The following AKR1B1 variants were observed in gnomAD, a reference collection of about 807,000 sequenced individuals.
The protein encoded by AKR1B1 is aldo-keto reductase family 1 member B1.
AKR1B1 carries 22 observed loss-of-function variants against 40.4 expected under a neutral mutation model. The observed-to-expected ratio is 0.54, with a 90% confidence interval of 0.39 to 0.78. AKR1B1 has a LOEUF of 0.78. Ranked by LOEUF, AKR1B1 falls within the 30% of genes least tolerant of loss-of-function variation. The pLI, the probability that AKR1B1 is intolerant of heterozygous loss-of-function variation, is 0.00. For synonymous variants in AKR1B1, 157 were observed against 149.9 expected (o/e 1.05, Z -0.35); for missense variants, 357 against 396.7 (o/e 0.90, Z 0.85).
Position 134,449,260 on chromosome 7 carries a change from G to A in AKR1B1, c.430-141C>T, listed in dbSNP as rs1224392355. ...GACCTTTCAGAAGCTAAGAGACAGT[G>A]AGACGAAAGCCAGGCTGGCTTTAAT... On this transcript the variant is annotated intron_variant, in intron 4 of 9. Transcript: ENST00000285930. 3.2e-6 allele frequency: 4 copies of A among 1,256,506 alleles called. No individual in the cohort carries two copies. The African/African-American group carries it at 4.4e-5, about 14-fold the overall frequency. 77.8% of individuals were successfully genotyped at this position (1,256,506 alleles called of 1,614,324 possible).
intron 9 of AKR1B1, chr7:134,444,657 GAA>G (rs1806043352): frequency 6.2e-6 from 1 of 161,292 alleles, no homozygotes; most frequent in Non-Finnish European, 1.4e-5. Context: ...GTAATGGTAG[GAA>G]AAGAGAAAAC....
intron 8 of AKR1B1, among the ~76,000 whole-genome samples, chr7:134,447,016 G>A (rs558154089): frequency 2.0e-5 from 3 of 152,298 alleles, no homozygotes; most frequent in Non-Finnish European, 2.9e-5. Context: ...GCTCAAGAGC[G>A]AGATTCTCCC....
chr7:134,449,238 C>A, intron 4 of AKR1B1, 119 bp from the exon 5 acceptor site: 2 of 1,396,518 alleles, frequency 1.4e-6, no homozygotes, highest in Admixed American at 3.4e-5. Flanking sequence ...TGAATTAGAC[C>A]TTTCAGAAGC....
chr7:134,444,027 CTG>C (rs1200142230), intron 9 of AKR1B1, among the ~76,000 whole-genome samples: 1 of 152,304 alleles, frequency 6.6e-6, no homozygotes, highest in East Asian at 1.9e-4. Flanking sequence ...GAGAAAACCA[CTG>C]TGTTTCCTCA....
chr7:134,447,071 G>A (rs141175261), intron 8 of AKR1B1, among the ~76,000 whole-genome samples: 1 of 152,344 alleles, frequency 6.6e-6, no homozygotes, highest in East Asian at 1.9e-4. Flanking sequence ...CAAAGGTGTA[G>A]GTGTATGCGT....
chr7:134,448,805 T>A (rs1806189926), intron 5 of AKR1B1, among the ~76,000 whole-genome samples, 192 bp downstream of exon 5: 1 of 152,128 alleles, frequency 6.6e-6, no homozygotes, highest in African/African-American at 2.4e-5. Flanking sequence ...CAAGCCAGGC[T>A]CAAACTCTTT....
intron 3 of AKR1B1, among the ~76,000 whole-genome samples, chr7:134,450,452 C>T (rs917146965): frequency 2.6e-5 from 4 of 152,132 alleles, no homozygotes; most frequent in African/African-American, 9.7e-5. Flanking sequence ...CAGGGCTGAC[C>T]GTGCCTCATG....
Position 134,442,642 on chromosome 7 carries a change from CACAGGCCATACT to C in AKR1B1, c.*74_*85del. 1 of 1,398,476 alleles carries C rather than the reference CACAGGCCATACT, an allele frequency of 7.2e-7. No homozygotes were observed. Among genetic ancestry groups the C allele is most frequent in the Non-Finnish European group, 1.0e-6 (1 of 990,566 alleles). 86.6% of individuals were successfully genotyped at this position (1,398,476 alleles called of 1,614,324 possible). ...AGGTTGCTGTCCCACTGCTGAGTGA[CACAGGCCATACT>C]ACATTTGCAAGGAAAAAAATGAGGC... On this transcript the variant is annotated 3_prime_UTR_variant, in exon 10 of 10. Coordinates refer to ENST00000285930, the MANE Select transcript of AKR1B1 (RefSeq NM_001628.4).
Position 134,442,603 on chromosome 7 carries a change from G to T in AKR1B1, c.*125C>A, listed in dbSNP as rs2229543. 45,438 of 848,316 alleles carry T rather than the reference G, an allele frequency of 0.054. 1,473 individuals carry two copies. The highest frequency in any genetic ancestry group is 0.12 in the Middle Eastern group (464 of 3,962). 52.5% of individuals were successfully genotyped at this position (848,316 alleles called of 1,614,324 possible). On this transcript the variant is annotated 3_prime_UTR_variant, in exon 10 of 10. Transcript: ENST00000285930. ...CCAACATCAAGCTAGACACGCCCTCGCTGGCCACTCTACAGGTTGCTGTCC... is the reference window on the plus strand; with the variant it reads ...CCAACATCAAGCTAGACACGCCCTCTCTGGCCACTCTACAGGTTGCTGTCC...
At chr7:134,448,242 A>C in intron 6 of AKR1B1, 145 bp downstream of exon 6, 3 of 934,376 alleles carry the variant, frequency 3.2e-6, no homozygotes, top group Non-Finnish European at 5.1e-6. Flanking sequence ...AGAAACTCCA[A>C]CCCTTCCAGG....
chr7:134,445,046 G>C (rs1447448741), intron 9 of AKR1B1, 192 bp downstream of exon 9: 1 of 666,206 alleles, frequency 1.5e-6, no homozygotes, highest in Non-Finnish European at 2.7e-6. Flanking sequence ...TATCAAGAGC[G>C]GATCTCTTGG....
At position 134,448,452 on chromosome 7, in the gene AKR1B1, C is replaced by T. The variant is rs369328651; in HGVS notation, c.594G>A (p.Gln198=). ...HPYLTQEKLI[Q]YCQSKGIVVT... is the part of the protein sequence containing the mutation. ...CCACGATGCCTTTGGACTGGCAGTACTGGATTAACTTCTCCTGAGTGAGAT... is the reference window on the plus strand; with the variant it reads ...CCACGATGCCTTTGGACTGGCAGTATTGGATTAACTTCTCCTGAGTGAGAT... Residue 198 remains glutamine (Q), a synonymous_variant, in exon 6 of 10, where the codon CAG becomes CAA. Coordinates refer to ENST00000285930, the MANE Select transcript of AKR1B1 (RefSeq NM_001628.4). 4.3e-6 allele frequency: 7 copies of T among 1,613,926 alleles called. No homozygotes were observed. Among genetic ancestry groups the T allele is most frequent in the African/African-American group, 1.3e-5 (1 of 74,908 alleles).
intron 4 of AKR1B1, 200 bp from the exon 5 acceptor site, chr7:134,449,319 G>C (rs567529353): frequency 8.5e-6 from 6 of 707,790 alleles, no homozygotes; most frequent in East Asian, 5.5e-5. Context: ...GGGCGCGGTG[G>C]CTCACGCCTG....
intron 7 of AKR1B1, 108 bp downstream of exon 7, chr7:134,447,872 A>G (rs914203684): frequency 9.1e-6 from 9 of 984,720 alleles, no homozygotes; most frequent in Non-Finnish European, 1.4e-5. Context: ...CCCTAACCAT[A>G]CTTCCTGTGA....
intron 1 of AKR1B1, among the ~76,000 whole-genome samples, chr7:134,456,746 T>C (rs1806484594): frequency 1.3e-5 from 2 of 150,790 alleles, no homozygotes; most frequent in South Asian, 4.2e-4. Context: ...CCAGGCACTG[T>C]GAGAAGTGCT....
At chr7:134,457,533 TGC>T (rs1168469418) in intron 1 of AKR1B1, among the ~76,000 whole-genome samples, 3 of 152,234 alleles carry the variant, frequency 2.0e-5, no homozygotes, top group African/African-American at 7.2e-5. Context: ...CTCTCCCTGA[TGC>T]AAATGACCTT....
intron 1 of AKR1B1, 152 bp from the exon 2 acceptor site, chr7:134,451,905 T>A (rs1806300437): frequency 1.2e-6 from 1 of 809,316 alleles, no homozygotes; most frequent in Non-Finnish European, 2.1e-6. Context: ...TTCTGGACTA[T>A]CAGCCTCAGA....
At chr7:134,445,500 T>A (rs1806066248) in intron 8 of AKR1B1, among the ~76,000 whole-genome samples, 180 bp from the exon 9 acceptor site, 1 of 152,218 alleles carries the variant, frequency 6.6e-6, no homozygotes, top group Admixed American at 6.5e-5. Context: ...AGATAATATA[T>A]GGAACGATGG....
intron 9 of AKR1B1, chr7:134,444,877 A>C (rs1036871785): frequency 2.1e-5 from 8 of 383,740 alleles, no homozygotes; most frequent in African/African-American, 1.4e-4. Flanking sequence ...TAGGGTCATT[A>C]AGACAAAAAG....
Sources: gnomAD v4.1 joint callset for allele counts (sites outside exome capture counted in the v4.1 genomes callset) on GRCh38, gnomAD v4.1.1 for gene constraint, MANE v1.5 for transcripts, NCBI Gene and HGNC (gene_info 2026-07-23, HGNC 2026-07-21) for gene names.